CNOT4: variants seen among roughly 807,000 people sequenced by gnomAD.
CNOT4 encodes CCR4-associated factor 4.
CNOT4 carries 8 observed loss-of-function variants against 73.8 expected under a neutral mutation model. That is an observed-to-expected ratio of 0.11 (90% CI 0.06 to 0.20). CNOT4 has a LOEUF of 0.20. CNOT4 is among the 10% of genes least tolerant of loss of function. The pLI is 1.00. For missense variants in CNOT4, 564 were observed against 883.4 expected (o/e 0.64, Z 4.58); for synonymous variants, 293 against 321.1 (o/e 0.91, Z 0.94).
At chr7:135,485,643 A>C (rs180884575) in intron 1 of CNOT4, among the ~76,000 whole-genome samples, 2 of 150,012 alleles carry the variant, frequency 1.3e-5, no homozygotes, top group Admixed American at 6.7e-5. Context: ...CAATTCAATA[A>C]AAGAAGGACA....
intron 10 of CNOT4, among the ~76,000 whole-genome samples, chr7:135,371,182 T>C (rs893753129): frequency 2.0e-5 from 3 of 152,168 alleles, no homozygotes; most frequent in African/African-American, 7.2e-5. Context: ...TTTAAAGAAT[T>C]TGTCCCAGGT....
At chr7:135,415,675 G>C (rs918325652) in intron 3 of CNOT4, among the ~76,000 whole-genome samples, 1 of 152,082 alleles carries the variant, frequency 6.6e-6, no homozygotes, top group Non-Finnish European at 1.5e-5. Flanking sequence ...TAAAGGTAAA[G>C]ACAGAATTGA....
At chr7:135,475,689 T>G (rs1427584328) in intron 1 of CNOT4, among the ~76,000 whole-genome samples, 5 of 152,128 alleles carry the variant, frequency 3.3e-5, no homozygotes, top group African/African-American at 1.2e-4. Context: ...GCAGGAGGAC[T>G]GCTTGAGCCC....
chr7:135,434,395 C>T (rs1799029809), intron 2 of CNOT4, among the ~76,000 whole-genome samples: 1 of 152,174 alleles, frequency 6.6e-6, no homozygotes, highest in Non-Finnish European at 1.5e-5. Context: ...GTCTGGTGAC[C>T]AGGAGACCAA....
At chr7:135,400,444 A>G (rs1056220329) in intron 7 of CNOT4, among the ~76,000 whole-genome samples, 3 of 152,084 alleles carry the variant, frequency 2.0e-5, no homozygotes, top group Non-Finnish European at 4.4e-5. Context: ...AAAAGGCTAA[A>G]AGAAAGATAT....
At chr7:135,465,814 G>A (rs1343718681) in intron 1 of CNOT4, among the ~76,000 whole-genome samples, 3 of 151,996 alleles carry the variant, frequency 2.0e-5, no homozygotes, top group African/African-American at 4.8e-5. Flanking sequence ...TTGGGAGGCC[G>A]AGGCAGGTGG....
rs546554271 is a variant in CNOT4, at chr7:135,473,982, GTT to G, written c.-92-35561_-92-35560del. ...TTTAACTGGTTTTTGTCTTTTTGTG[GTT>G]TTTTTTTTTTTTTGAGACAGAGTCT... On this transcript the variant is annotated intron_variant, in intron 1 of 11. Coordinates refer to ENST00000541284, the MANE Select transcript of CNOT4 (RefSeq NM_001190850.2). Among the ~76,000 whole-genome samples the G allele has an allele frequency of 2.5e-4, 35 of 140,342 alleles. 1 individual carries two copies. The East Asian group carries it at 4.9e-3, about 20-fold the overall frequency. 92.1% of individuals were successfully genotyped at this position (140,342 alleles called of 152,430 possible). A position where few individuals can be genotyped will look rare whatever the true frequency, so the allele number is the denominator to read the frequency against.
intron 7 of CNOT4, among the ~76,000 whole-genome samples, chr7:135,408,288 T>C (rs1243348586): frequency 6.6e-6 from 1 of 152,104 alleles, no homozygotes; most frequent in African/African-American, 2.4e-5. Context: ...AATATGAACA[T>C]ATAGTGAAAT....
intron 1 of CNOT4, among the ~76,000 whole-genome samples, chr7:135,443,061 C>G (rs1209760866): frequency 1.3e-5 from 2 of 151,230 alleles, no homozygotes; most frequent in African/African-American, 2.4e-5. Flanking sequence ...CCTGTCTCAA[C>G]AACAATTCTG....
intron 2 of CNOT4, among the ~76,000 whole-genome samples, chr7:135,429,516 TATC>T (rs1253930797): frequency 2.6e-5 from 4 of 152,200 alleles, no homozygotes; most frequent in African/African-American, 4.8e-5. Context: ...CAGTTTTAGA[TATC>T]ATCACATTAT....
At position 135,384,102 on chromosome 7, in the gene CNOT4, A is replaced by T. The variant is rs1179498143; in HGVS notation, c.1627+9816T>A. Reference sequence around the variant, plus strand: ...TGCATTTCTGGGCTTATTCTCACAAAAGACTTTTTTTTTTAATCTCCTTTA... The same window carrying T: ...TGCATTTCTGGGCTTATTCTCACAATAGACTTTTTTTTTTAATCTCCTTTA... On this transcript the variant is annotated intron_variant, in intron 10 of 11. Coordinates refer to ENST00000541284, the MANE Select transcript of CNOT4 (RefSeq NM_001190850.2). 2.0e-5 allele frequency among the ~76,000 whole-genome samples: 3 copies of T among 151,994 alleles called. No individual in the cohort carries two copies. In the East Asian group the frequency reaches 5.8e-4, roughly 29 times the overall value.
At chr7:135,473,448 G>T (rs530507208) in intron 1 of CNOT4, among the ~76,000 whole-genome samples, 1 of 152,074 alleles carries the variant, frequency 6.6e-6, no homozygotes, top group African/African-American at 2.4e-5. Flanking sequence ...TACTAATTTG[G>T]CAAAAGATTT....
chr7:135,505,651 G>T (rs1044304538), intron 1 of CNOT4, among the ~76,000 whole-genome samples: 1 of 152,110 alleles, frequency 6.6e-6, no homozygotes, highest in African/African-American at 2.4e-5. Flanking sequence ...CTTAAAGTTA[G>T]GTTTTCCTAC....
At chr7:135,494,513 C>T (rs955845127) in intron 1 of CNOT4, among the ~76,000 whole-genome samples, 3 of 143,710 alleles carry the variant, frequency 2.1e-5, no homozygotes, top group Non-Finnish European at 1.5e-5. Context: ...GCACTTTGAA[C>T]ACTTTTCTCC....
chr7:135,378,179 G>T lies in CNOT4; in HGVS notation c.1628-14113C>A, dbSNP rs1245613118. Among the ~76,000 whole-genome samples, 4 of 152,252 alleles carry T rather than the reference G, an allele frequency of 2.6e-5. No individual in the cohort carries two copies. In the East Asian group the frequency reaches 7.7e-4, roughly 29 times the overall value. ...CAATCTGCTCCAAAATCCAGACAAT[G>T]ATTTCTGTTTAAATGTGTTGTTTTG... On this transcript the variant is annotated intron_variant, in intron 10 of 11. Transcript: ENST00000541284.
chr7:135,396,095 A>G (rs572378648), intron 8 of CNOT4, among the ~76,000 whole-genome samples: 81 of 149,642 alleles, frequency 5.4e-4, no homozygotes, highest in South Asian at 4.7e-3. Context: ...TGAAAAGATT[A>G]AACTAGTCTC....
intron 1 of CNOT4, among the ~76,000 whole-genome samples, chr7:135,508,600 A>G (rs1447115948): frequency 6.6e-6 from 1 of 152,208 alleles, no homozygotes; most frequent in Non-Finnish European, 1.5e-5. Flanking sequence ...AACTTCCCAA[A>G]TCCAAAAATA....
Position 135,394,035 on chromosome 7 carries a change from G to A in CNOT4, c.1510C>T (p.Pro504Ser), listed in dbSNP as rs771275313. ...TTCAAGTGCATGATGCTATTGCGTGGAAAGGCCATCCAAGGATAGCGGGCT... is the reference window on the plus strand; with the variant it reads ...TTCAAGTGCATGATGCTATTGCGTGAAAAGGCCATCCAAGGATAGCGGGCT... ...QAARYPWMAF[P>S]RNSIMHLNHT... The change falls in exon 10 of 12, where the codon CCA (proline) becomes TCA (serine). Residue 504 changes from proline (P) to serine (S), a missense_variant. Pro to Ser is a moderately conservative substitution (Grantham distance 74). Around this residue, in one of 10 missense-constraint regions of CNOT4, gnomAD observed 153 missense variants for 158.7 expected, o/e 0.96. Transcript: ENST00000541284. 1 of 1,614,198 alleles carries A rather than the reference G, an allele frequency of 6.2e-7. No individual in the cohort carries two copies. The highest frequency in any genetic ancestry group is 1.1e-5 in the South Asian group (1 of 91,082).
chr7:135,408,003 T>C (rs1426279969), intron 7 of CNOT4, among the ~76,000 whole-genome samples: 3 of 152,220 alleles, frequency 2.0e-5, no homozygotes, highest in Non-Finnish European at 4.4e-5. Context: ...AAGTTCACTC[T>C]GTTAATCAAA....
Sources: allele counts gnomAD v4.1 joint callset (sites outside exome capture counted in the v4.1 genomes callset), GRCh38; gene constraint gnomAD v4.1.1; regional missense constraint gnomAD v4.1.1; transcripts MANE v1.5; gene names NCBI Gene and HGNC (gene_info 2026-07-23, HGNC 2026-07-21).